MYO5A: variants seen among roughly 807,000 people sequenced by gnomAD.
MYO5A encodes the protein myosin VA.
Under a neutral mutation model 249.7 loss-of-function variants are expected in MYO5A, and 98 were observed. The observed-to-expected ratio is 0.39, with a 90% CI of 0.33 to 0.46. The LOEUF is 0.46. MYO5A is among the 20% of genes least tolerant of loss of function. The pLI is 0.98. For missense variants in MYO5A, 1,696 were observed against 2,308.8 expected (o/e 0.73, Z 5.44); for synonymous variants, 778 against 810.6 (o/e 0.96, Z 0.68).
At chr15:52,459,142 C>T in intron 1 of MYO5A, among the ~76,000 whole-genome samples, 1 of 39,672 alleles carries the variant, frequency 2.5e-5, no homozygotes, top group South Asian at 1.0e-3. Context: ...TGGGATTTTC[C>T]AGAAATTTTT....
In MYO5A at chr15:52,349,283, C is replaced by G. The variant is rs543784974; in HGVS notation, c.3850-457G>C. The stretch of plus-strand genomic sequence containing the variant: ...CTGCCTGGGCTGGATCATTCCCTAG[C>G]TCACAGGGTGTTGCTCACCACTGCC... On this transcript the variant is annotated intron_variant, in intron 28 of 41. Transcript: ENST00000399233. Among the ~76,000 whole-genome samples, 15 of 152,324 alleles carry G rather than the reference C, an allele frequency of 9.8e-5. 1 individual carries two copies. In the South Asian group the frequency reaches 3.1e-3, roughly 32 times the overall value.
intron 9 of MYO5A, among the ~76,000 whole-genome samples, chr15:52,402,286 CT>C (rs1189655220): frequency 6.6e-6 from 1 of 152,140 alleles, no homozygotes; most frequent in Non-Finnish European, 1.5e-5. Flanking sequence ...AGTTTTCTGC[CT>C]CTACTTGGCA....
chr15:52,516,606 G>T (rs914397686), intron 1 of MYO5A, among the ~76,000 whole-genome samples: 2 of 152,156 alleles, frequency 1.3e-5, no homozygotes, highest in Admixed American at 1.3e-4. Flanking sequence ...TGACCTGAAG[G>T]CCTCACTAAT....
At position 52,370,274 on chromosome 15, in the gene MYO5A, A is replaced by C. The variant is rs780159248; in HGVS notation, c.2961T>G (p.Ser987Arg). ...GGAGCTTGGCAATTTCTTCCTGCAG[A>C]CTAAGGACCCGCCCAGTGGCAACTT... ...EAKVATGRVLSLQEEIAKLRK... is the reference protein window; with the variant it reads ...EAKVATGRVLRLQEEIAKLRK... Residue 987 changes from serine to arginine, a missense_variant, in exon 22 of 42, where the codon AGT (serine) becomes AGG (arginine). Physicochemically the swap from Ser to Arg is moderately radical, Grantham distance 110. This residue lies in a region of MYO5A where 412 missense variants were observed against 453.3 expected (regional missense o/e 0.91). Coordinates refer to ENST00000399233, the MANE Select transcript of MYO5A (RefSeq NM_001382347.1). The C allele has an allele frequency of 1.9e-6, 3 of 1,614,072 alleles. No homozygotes were observed. Among genetic ancestry groups the C allele is most frequent in the Non-Finnish European group, 8.5e-7 (1 of 1,179,988 alleles).
chr15:52,511,443 C>T (rs896558314), intron 1 of MYO5A, among the ~76,000 whole-genome samples: 4 of 152,182 alleles, frequency 2.6e-5, no homozygotes, highest in African/African-American at 9.7e-5. Flanking sequence ...TGCTATATTT[C>T]TCCTTCCTTT....
At chr15:52,478,607 A>G (rs1456982276) in intron 1 of MYO5A, among the ~76,000 whole-genome samples, 1 of 152,198 alleles carries the variant, frequency 6.6e-6, no homozygotes, top group African/African-American at 2.4e-5. Context: ...AAATTATCAA[A>G]CTATCCTTTG....
At chr15:52,471,524 G>T (rs1368886394) in intron 1 of MYO5A, among the ~76,000 whole-genome samples, 4 of 151,008 alleles carry the variant, frequency 2.6e-5, no homozygotes, top group African/African-American at 9.7e-5. Context: ...GGACACTGAG[G>T]TAGGAGGATC....
intron 14 of MYO5A, 83 bp from the exon 15 acceptor site, chr15:52,384,405 C>T (rs539237414): frequency 7.3e-7 from 1 of 1,376,604 alleles, no homozygotes; most frequent in East Asian, 2.3e-5. Context: ...TACAGAGATT[C>T]CCTTCCTTAA....
intron 40 of MYO5A, 91 bp from the exon 41 acceptor site, chr15:52,314,294 A>G (rs1031643543): frequency 2.1e-6 from 2 of 966,444 alleles, no homozygotes; most frequent in Non-Finnish European, 3.3e-6. Context: ...ATCTGTGCGT[A>G]CAGATTTCAG....
chr15:52,456,026 G>A (rs1318545000), intron 1 of MYO5A, among the ~76,000 whole-genome samples: 1 of 152,100 alleles, frequency 6.6e-6, no homozygotes, highest in Non-Finnish European at 1.5e-5. Context: ...AATTACCCTT[G>A]CTCGCAGATG....
At chr15:52,462,787 G>A (rs932676372) in intron 1 of MYO5A, among the ~76,000 whole-genome samples, 2 of 151,912 alleles carry the variant, frequency 1.3e-5, no homozygotes, top group African/African-American at 4.8e-5. Context: ...GGTGGAGGTT[G>A]CTGTGAGCCA....
intron 1 of MYO5A, among the ~76,000 whole-genome samples, chr15:52,475,905 C>T (rs567416508): frequency 2.7e-3 from 405 of 152,276 alleles, no homozygotes; most frequent in Non-Finnish European, 4.6e-3. Context: ...CTATTAGGTA[C>T]ACTTGGTGCA....
intron 1 of MYO5A, among the ~76,000 whole-genome samples, chr15:52,472,394 T>C (rs2076493645): frequency 6.6e-6 from 1 of 152,054 alleles, no homozygotes; most frequent in African/African-American, 2.4e-5. Context: ...CAGACATTTT[T>C]TTCATTTTTT....
intron 1 of MYO5A, among the ~76,000 whole-genome samples, chr15:52,455,548 C>G (rs991771281): frequency 2.6e-5 from 4 of 151,842 alleles, no homozygotes; most frequent in Non-Finnish European, 5.9e-5. Context: ...AATACAGATG[C>G]AAAAATTCTC....
intron 34 of MYO5A, among the ~76,000 whole-genome samples, chr15:52,332,241 G>A (rs1171317091): frequency 6.6e-6 from 1 of 152,132 alleles, no homozygotes; most frequent in Non-Finnish European, 1.5e-5. Flanking sequence ...AACCCAAAGA[G>A]CATATTTTAA....
chr15:52,360,112 T>C, intron 24 of MYO5A, 31 bp from the exon 25 acceptor site: 2 of 1,409,678 alleles, frequency 1.4e-6, no homozygotes, highest in Non-Finnish European at 1.0e-6. Context: ...GTATAATTAA[T>C]GCAACATAAT....
intron 23 of MYO5A, among the ~76,000 whole-genome samples, chr15:52,365,961 A>T (rs1475031837): frequency 2.0e-5 from 3 of 151,980 alleles, no homozygotes; most frequent in Non-Finnish European, 2.9e-5. Context: ...TTCACCTCTT[A>T]ATTTTATTTT....
At chr15:52,473,064 G>A (rs2076511126) in intron 1 of MYO5A, among the ~76,000 whole-genome samples, 1 of 152,188 alleles carries the variant, frequency 6.6e-6, no homozygotes, top group Non-Finnish European at 1.5e-5. Flanking sequence ...GTTGTTTCCT[G>A]ACTTTTTAAT....
At chr15:52,356,296 GC>G (rs1233059318) in intron 25 of MYO5A, among the ~76,000 whole-genome samples, 1 of 152,058 alleles carries the variant, frequency 6.6e-6, no homozygotes, top group Non-Finnish European at 1.5e-5. Flanking sequence ...AACAGAATAA[GC>G]TTTTACAGAA....
Sources: gnomAD v4.1 joint callset for allele counts (sites outside exome capture counted in the v4.1 genomes callset) on GRCh38, gnomAD v4.1.1 for gene constraint, gnomAD v4.1.1 regional missense constraint, MANE v1.5 for transcripts, NCBI Gene and HGNC (gene_info 2026-07-23, HGNC 2026-07-21) for gene names.